The following PSME4 variants were observed in gnomAD, a reference collection of about 807,000 sequenced individuals.
The protein encoded by PSME4 is proteasome activator complex subunit 4.
PSME4 carries 89 observed loss-of-function variants against 253.9 expected under a neutral mutation model. The ratio of observed to expected loss-of-function variants is 0.35; its 90% CI spans 0.30 to 0.42. The LOEUF (loss-of-function observed/expected upper bound fraction) is 0.42. Among genes scored for constraint, PSME4 ranks in the 10% least tolerant of loss-of-function variants. PSME4 has a pLI of 1.00. For missense variants in PSME4, 2,014 were observed against 2,195.2 expected (o/e 0.92, Z 1.65); for synonymous variants, 851 against 759.2 (o/e 1.12, Z -1.99).
At position 53,948,424 on chromosome 2, in the gene PSME4, G is replaced by T. The variant is rs775034154; in HGVS notation, c.497C>A (p.Pro166His). The change falls in exon 3 of 47, where the codon CCT becomes CAT. Residue 166 changes from proline to histidine, a missense_variant. Physicochemically the swap from Pro to His is moderately conservative, Grantham distance 77. Coordinates refer to ENST00000404125, the MANE Select transcript of PSME4 (RefSeq NM_014614.3). ...KTEHLGLNWFPNSVENILKTL... is the reference protein window; with the variant it reads ...KTEHLGLNWFHNSVENILKTL... ...TGCTTTAAATGGAAATACTTACTTAGGAAACCAATTTAATCCTAGGTGCTC... is the reference window on the plus strand; with the variant it reads ...TGCTTTAAATGGAAATACTTACTTATGAAACCAATTTAATCCTAGGTGCTC... The T allele has an allele frequency of 6.3e-7, 1 of 1,598,446 alleles. No individual in the cohort carries two copies. The highest frequency in any genetic ancestry group is 1.1e-5 in the South Asian group (1 of 90,502).
At chr2:53,888,084 T>G in intron 38 of PSME4, 95 bp from the exon 39 acceptor site, 1 of 1,274,296 alleles carries the variant, frequency 7.8e-7, no homozygotes, top group Non-Finnish European at 1.0e-6. Flanking sequence ...CACTTAAAGC[T>G]TTTTCGTTTT....
At chr2:53,933,966 C>CA (rs933416050) in intron 8 of PSME4, among the ~76,000 whole-genome samples, 4 of 150,498 alleles carry the variant, frequency 2.7e-5, no homozygotes, top group Non-Finnish European at 5.9e-5. Flanking sequence ...AACTTTTAAA[C>CA]AAAAAAAAAT....
chr2:53,948,768 G>C (rs805446), intron 2 of PSME4, among the ~76,000 whole-genome samples: 34,015 of 152,064 alleles, frequency 0.22, 4,164 homozygotes, highest in South Asian at 0.32. Context: ...ATTTAAATTT[G>C]TGTCGCCATT....
Position 53,970,590 on chromosome 2 carries a change from G to T in PSME4, c.195C>A (p.Leu65=). The part of the protein sequence containing the change: ...IKCNLGRAVQ[L]QELWPGGLFW... ...AGAGGCCCCCGGGCCACAGCTCTTG[G>T]AGCTGCACGGCCCGGCCCAGGTTGC... Residue 65 remains leucine (L), a synonymous_variant, in exon 1 of 47, where the codon CTC becomes CTA. Transcript: ENST00000404125. The T allele has an allele frequency of 6.5e-7, 1 of 1,549,252 alleles. No homozygotes were observed. The highest frequency in any genetic ancestry group is 8.7e-7 in the Non-Finnish European group (1 of 1,146,922).
In PSME4 at chr2:53,922,546, A is replaced by G. The variant is rs138270208; in HGVS notation, c.2017T>C (p.Leu673=). 2 of 1,612,954 alleles carry G rather than the reference A, an allele frequency of 1.2e-6. No individual in the cohort carries two copies. Among genetic ancestry groups the G allele is most frequent in the African/African-American group, 1.3e-5 (1 of 75,018 alleles). Residue 673 remains leucine, a synonymous_variant, in exon 17 of 47, where the codon TTA becomes CTA. Transcript: ENST00000404125. ...GACAAAAGTTGAAGATTCCATAGTA[A>G]TTCCTTGTCTAGCTCTTCATCATTT... ...VLNDEELDKE[L]LWNLQLLSEI...
chr2:53,968,758 C>T (rs1670870383), intron 1 of PSME4, among the ~76,000 whole-genome samples: 1 of 152,170 alleles, frequency 6.6e-6, no homozygotes, highest in African/African-American at 2.4e-5. Context: ...CCCTAAACAC[C>T]AAACATTAGC....
rs185327056 is a variant in PSME4, at chr2:53,919,658, A to G, written c.2421-412T>C. 2.5e-4 allele frequency among the ~76,000 whole-genome samples: 38 copies of G among 152,304 alleles called. No homozygotes were observed. In the East Asian group the frequency reaches 4.6e-3, roughly 19 times the overall value. ...GAGTACGACAGAGTTGATGTTAGTC[A>G]GTCACACTTCTTTCTCCAAGTGCAT... On this transcript the variant is annotated intron_variant, in intron 19 of 46. Transcript: ENST00000404125.
Position 53,866,153 on chromosome 2 carries a change from T to C in PSME4, c.5468A>G (p.Gln1823Arg). ...AACAAGCAGTTGGTCATCAGTGAAT[T>C]GCTGTTTATGTTCCTGCCAGTTGTC... ...HHDNWQEHKQ[Q>R]FTDDQLLVLT... Residue 1823 changes from glutamine to arginine, a missense_variant, in exon 46 of 47, where the codon CAA becomes CGA. Coordinates refer to ENST00000404125, the MANE Select transcript of PSME4 (RefSeq NM_014614.3). 6.2e-7 allele frequency: 1 copy of C among 1,613,304 alleles called. No individual in the cohort carries two copies. Among genetic ancestry groups the C allele is most frequent in the Non-Finnish European group, 8.5e-7 (1 of 1,179,244 alleles).
rs887347619 is a variant in PSME4 at position 53,936,007 on chromosome 2, C to A, written c.834+80G>T. The A allele has an allele frequency of 2.0e-6, 3 of 1,519,060 alleles. No individual in the cohort carries two copies. In the Admixed American group the frequency reaches 6.1e-5, roughly 31 times the overall value. 94.1% of individuals were successfully genotyped at this position (1,519,060 alleles called of 1,614,324 possible). A position where few individuals can be genotyped will look rare whatever the true frequency, so the allele number is the denominator to read the frequency against. On this transcript the variant is annotated intron_variant, in intron 7 of 46. Coordinates refer to ENST00000404125, the MANE Select transcript of PSME4 (RefSeq NM_014614.3). ...CTCCTGGGTTCAAGAGATTCTCCTGCCTCAGCCACCCGAGCAGCTGGGATT... is the reference window on the plus strand; with the variant it reads ...CTCCTGGGTTCAAGAGATTCTCCTGACTCAGCCACCCGAGCAGCTGGGATT...
Position 53,908,652 on chromosome 2 carries a change from A to G in PSME4, c.2630-87T>C, listed in dbSNP as rs964326605. 3 of 1,474,130 alleles carry G rather than the reference A, an allele frequency of 2.0e-6. No homozygotes were observed. In the Admixed American group the frequency reaches 6.7e-5, roughly 33 times the overall value. The allele number at this position is 1,474,130 out of a possible 1,614,324, so 91.3% of individuals were successfully genotyped here. On this transcript the variant is annotated intron_variant, in intron 22 of 46. Transcript: ENST00000404125. The stretch of plus-strand genomic sequence containing the variant: ...AGGCATTAGTCAAGAATCTATTAAG[A>G]AAAAAAATCACTGCCCAATATTCTC...
At chr2:53,940,044 A>C (rs1669317872) in intron 3 of PSME4, 44 bp from the exon 4 acceptor site, 2 of 1,381,398 alleles carry the variant, frequency 1.4e-6, no homozygotes, top group African/African-American at 2.9e-5. Context: ...GTGTATTTTA[A>C]GAACATATCT....
chr2:53,938,925 C>A (rs1372806637), intron 4 of PSME4, among the ~76,000 whole-genome samples: 4 of 152,186 alleles, frequency 2.6e-5, no homozygotes, highest in Admixed American at 1.3e-4. Flanking sequence ...AGGATCAATT[C>A]TCCTTCTTAA....
intron 43 of PSME4, 96 bp downstream of exon 43, chr2:53,874,243 A>T (rs1217161380): frequency 7.9e-7 from 1 of 1,258,958 alleles, no homozygotes; most frequent in African/African-American, 1.5e-5. Context: ...TATAAATATA[A>T]ACAATTGCAC....
Position 53,901,353 on chromosome 2 carries a change from G to A in PSME4, c.3282C>T (p.Phe1094=). 4 of 1,609,492 alleles carry A rather than the reference G, an allele frequency of 2.5e-6. No homozygotes were observed. The highest frequency in any genetic ancestry group is 3.4e-6 in the Non-Finnish European group (4 of 1,175,732). ...ATGAAAGAATGATATTGCTTACTGT[G>A]AAGTCCAAGCCAATTGTTTCATACT... ...HRQYETIGLD[F]TIPKSCVEIA... The change falls in exon 28 of 47, where the codon TTC becomes TTT. Residue 1094 remains phenylalanine, a synonymous_variant. Coordinates refer to ENST00000404125, the MANE Select transcript of PSME4 (RefSeq NM_014614.3).
At position 53,909,748 on chromosome 2, in the gene PSME4, T is replaced by C. The variant is rs370165240; in HGVS notation, c.2572+327A>G. Among the ~76,000 whole-genome samples, 78 of 152,202 alleles carry C rather than the reference T, an allele frequency of 5.1e-4. 2 individuals carry two copies. In the South Asian group the frequency reaches 0.016, roughly 31 times the overall value. Reference sequence around the variant, plus strand: ...AAGCGGAGGTGGGTAGATCACTTGATGTCAGGAGCTGGAGACCAGCCTGGC... The same window carrying C: ...AAGCGGAGGTGGGTAGATCACTTGACGTCAGGAGCTGGAGACCAGCCTGGC... On this transcript the variant is annotated intron_variant, in intron 21 of 46. Coordinates refer to ENST00000404125, the MANE Select transcript of PSME4 (RefSeq NM_014614.3).
chr2:53,898,063 A>G, intron 30 of PSME4, 64 bp from the exon 31 acceptor site: 1 of 1,515,540 alleles, frequency 6.6e-7, no homozygotes, highest in Non-Finnish European at 9.0e-7. Context: ...AAAAAACTGT[A>G]TGTGAAACAC....
At chr2:53,932,635 C>T (rs141438632) in intron 9 of PSME4, 33 bp downstream of exon 9, 16,399 of 1,532,544 alleles carry the variant, frequency 0.011, 219 homozygotes, top group South Asian at 0.037. Context: ...TTTAAAAATT[C>T]CAAGCCCTAT....
At chr2:53,913,714 G>A (rs1038133722) in intron 20 of PSME4, among the ~76,000 whole-genome samples, 2 of 152,156 alleles carry the variant, frequency 1.3e-5, no homozygotes, top group Non-Finnish European at 2.9e-5. Context: ...TATCCTGCCA[G>A]TGAACAAAGG....
At chr2:53,970,128 C>A (rs1670982513) in intron 1 of PSME4, among the ~76,000 whole-genome samples, 2 of 152,108 alleles carry the variant, frequency 1.3e-5, no homozygotes, top group Non-Finnish European at 2.9e-5. Context: ...CCGGAGGAAG[C>A]AAGGAGACAA....
Sources: gnomAD v4.1 joint callset for allele counts (sites outside exome capture counted in the v4.1 genomes callset) on GRCh38, gnomAD v4.1.1 for gene constraint, MANE v1.5 for transcripts, NCBI Gene and HGNC (gene_info 2026-07-23, HGNC 2026-07-21) for gene names.